Variants in NRG3 observed in about 807,000 individuals in gnomAD.
NRG3 encodes the protein neuregulin 3.
In NRG3, 31 loss-of-function variants were observed where a neutral mutation model predicts 66.9. The observed-to-expected ratio is 0.46, with a 90% CI of 0.35 to 0.63. NRG3 has a LOEUF of 0.63. NRG3 is among the 20% of genes least tolerant of loss of function. The pLI, the probability that NRG3 is intolerant of heterozygous loss-of-function variation, is 0.00. For missense variants in NRG3, 910 were observed against 878.9 expected (o/e 1.04, Z -0.45); for synonymous variants, 393 against 359.4 (o/e 1.09, Z -1.06).
At chr10:82,138,729 A>G (rs2069548129) in intron 1 of NRG3, among the ~76,000 whole-genome samples, 1 of 152,108 alleles carries the variant, frequency 6.6e-6, no homozygotes. Flanking sequence ...GTGGCCCAAG[A>G]GCCCCTGGGA....
chr10:82,041,720 C>T (rs138142672), intron 1 of NRG3, among the ~76,000 whole-genome samples: 2,006 of 151,944 alleles, frequency 0.013, 41 homozygotes, highest in African/African-American at 0.044. Flanking sequence ...GTCTTTCTCC[C>T]TCCTTCTATC....
intron 1 of NRG3, among the ~76,000 whole-genome samples, chr10:82,156,612 G>A (rs966882117): frequency 6.6e-6 from 1 of 151,526 alleles, no homozygotes; most frequent in African/African-American, 2.4e-5. Context: ...GTAAAAAAAA[G>A]AAATTTCTAG....
intron 1 of NRG3, among the ~76,000 whole-genome samples, chr10:81,949,655 A>G (rs1395573295): frequency 6.6e-6 from 1 of 152,158 alleles, no homozygotes; most frequent in East Asian, 1.9e-4. Context: ...GGAAGGGGCA[A>G]TATGTGAAAA....
intron 1 of NRG3, among the ~76,000 whole-genome samples, chr10:82,263,760 A>G (rs2078157375): frequency 6.6e-6 from 1 of 152,178 alleles, no homozygotes; most frequent in South Asian, 2.1e-4. Context: ...ATTTATTTCA[A>G]TAAGAAACTC....
chr10:82,613,590 CAT>C (rs1235510460), intron 2 of NRG3, among the ~76,000 whole-genome samples: 7 of 151,762 alleles, frequency 4.6e-5, no homozygotes, highest in African/African-American at 4.8e-5. Flanking sequence ...TATTTTAACA[CAT>C]GATATTTTGA....
chr10:81,927,452 C>T (rs1233189601), intron 1 of NRG3, among the ~76,000 whole-genome samples: 1 of 152,016 alleles, frequency 6.6e-6, no homozygotes, highest in Non-Finnish European at 1.5e-5. Flanking sequence ...ATGTTGAGAT[C>T]AACTTAATAT....
At chr10:82,746,785 C>T (rs2058664205) in intron 3 of NRG3, among the ~76,000 whole-genome samples, 1 of 151,948 alleles carries the variant, frequency 6.6e-6, no homozygotes, top group African/African-American at 2.4e-5. Context: ...TACTCATTTG[C>T]CTTACAAAAT....
At chr10:82,438,122 G>A (rs574815878) in intron 2 of NRG3, among the ~76,000 whole-genome samples, 14 of 152,328 alleles carry the variant, frequency 9.2e-5, no homozygotes, top group African/African-American at 3.1e-4. Context: ...CTTCTGGGCT[G>A]CCCAGATTCC....
intron 3 of NRG3, among the ~76,000 whole-genome samples, chr10:82,800,487 C>T (rs1489648854): frequency 1.3e-5 from 2 of 152,096 alleles, no homozygotes; most frequent in Non-Finnish European, 2.9e-5. Flanking sequence ...AAATATTGAA[C>T]TCTGTTTTAC....
intron 1 of NRG3, among the ~76,000 whole-genome samples, chr10:82,345,648 C>T (rs2082967131): frequency 1.3e-5 from 2 of 150,388 alleles, no homozygotes; most frequent in East Asian, 2.0e-4. Context: ...TATAAATTAC[C>T]TTGGGCAGTA....
intron 2 of NRG3, among the ~76,000 whole-genome samples, chr10:82,517,630 C>A (rs1845788414): frequency 1.8e-5 from 1 of 56,124 alleles, no homozygotes; most frequent in African/African-American, 2.5e-4. Context: ...TCTCACCCCG[C>A]CCCCCCGTGT....
intron 2 of NRG3, among the ~76,000 whole-genome samples, chr10:82,382,837 A>C (rs1036705530): frequency 1.8e-4 from 28 of 152,080 alleles, no homozygotes; most frequent in African/African-American, 6.5e-4. Context: ...ATTCTCATTA[A>C]GCTATTCATA....
At chr10:82,918,522 A>G (rs1376770841) in intron 4 of NRG3, among the ~76,000 whole-genome samples, 1 of 152,188 alleles carries the variant, frequency 6.6e-6, no homozygotes, top group Non-Finnish European at 1.5e-5. Flanking sequence ...TCTTTTACCA[A>G]TATTCAAGAT....
At chr10:82,301,063 T>A (rs1019552624) in intron 1 of NRG3, among the ~76,000 whole-genome samples, 1 of 152,222 alleles carries the variant, frequency 6.6e-6, no homozygotes, top group Non-Finnish European at 1.5e-5. Flanking sequence ...CATTAAAATA[T>A]CTCTTGCAGC....
intron 1 of NRG3, among the ~76,000 whole-genome samples, chr10:82,265,483 G>C (rs1404472553): frequency 6.6e-6 from 1 of 152,218 alleles, no homozygotes. Flanking sequence ...TAAAGTGACA[G>C]TGAATATACT....
chr10:82,935,706 C>T (rs1275443617), intron 4 of NRG3, among the ~76,000 whole-genome samples: 1 of 152,074 alleles, frequency 6.6e-6, no homozygotes, highest in Non-Finnish European at 1.5e-5. Flanking sequence ...TAACTGAAAC[C>T]TCTGCCTCCT....
chr10:81,950,245 T>C (rs115487088), intron 1 of NRG3, among the ~76,000 whole-genome samples: 2,563 of 152,324 alleles, frequency 0.017, 38 homozygotes, highest in African/African-American at 0.044. Flanking sequence ...TTGTGTATAT[T>C]ATGAAAGTTG....
At chr10:82,403,961 T>G (rs896771835) in intron 2 of NRG3, among the ~76,000 whole-genome samples, 1 of 152,168 alleles carries the variant, frequency 6.6e-6, no homozygotes, top group African/African-American at 2.4e-5. Context: ...TTGTATGCCC[T>G]GAATTATTTA....
chr10:82,755,982 G>T (rs2134999342), intron 3 of NRG3, among the ~76,000 whole-genome samples: 1 of 151,938 alleles, frequency 6.6e-6, no homozygotes, highest in East Asian at 1.9e-4. Context: ...GCACCTTGCA[G>T]TTGCACCTAG....
Sources: gnomAD v4.1 joint callset for allele counts (sites outside exome capture counted in the v4.1 genomes callset) on GRCh38, gnomAD v4.1.1 for gene constraint, MANE v1.5 for transcripts, NCBI Gene and HGNC (gene_info 2026-07-23, HGNC 2026-07-21) for gene names.